The following BMAL1 variants were observed in gnomAD, a reference collection of about 807,000 sequenced individuals.
BMAL1 encodes the protein basic helix-loop-helix ARNT like 1, also known as basic helix-loop-helix ARNT-like protein 1.
the BMAL1 span, among the ~76,000 whole-genome samples, chr11:13,284,178 GTGTATATATATATA>G: frequency 2.7e-4 from 8 of 29,864 alleles, 1 homozygote; most frequent in Admixed American, 3.5e-4. Flanking sequence ...ATATATATAT[GTGTATATATATATA>G]TGTGTGTATA....
the BMAL1 span, among the ~76,000 whole-genome samples, chr11:13,362,475 C>T: frequency 6.6e-6 from 1 of 152,192 alleles, no homozygotes; most frequent in South Asian, 2.1e-4. Flanking sequence ...CAATACATGC[C>T]TCTGTGCCTT....
the BMAL1 span, among the ~76,000 whole-genome samples, chr11:13,350,744 TAAAA>T: frequency 6.6e-6 from 1 of 152,148 alleles, no homozygotes; most frequent in African/African-American, 2.4e-5. Flanking sequence ...AGCATTAAAT[TAAAA>T]AAATCATTAA....
the BMAL1 span, among the ~76,000 whole-genome samples, chr11:13,327,559 G>A: frequency 1.3e-5 from 2 of 152,194 alleles, no homozygotes; most frequent in Non-Finnish European, 2.9e-5. Flanking sequence ...CTAAGGCACA[G>A]CAGTTTTCCA....
the BMAL1 span, among the ~76,000 whole-genome samples, chr11:13,353,959 T>A: frequency 6.6e-6 from 1 of 152,332 alleles, no homozygotes; most frequent in African/African-American, 2.4e-5. Context: ...GGTTTTCACT[T>A]CTAGAGTTTC....
the BMAL1 span, among the ~76,000 whole-genome samples, chr11:13,328,345 G>GT: frequency 6.6e-6 from 1 of 151,880 alleles, no homozygotes; most frequent in Non-Finnish European, 1.5e-5. Context: ...AAAAATGCTT[G>GT]TTTTTTTTCC....
the BMAL1 span, among the ~76,000 whole-genome samples, chr11:13,316,006 A>T: frequency 4.1e-4 from 62 of 152,214 alleles, no homozygotes; most frequent in Non-Finnish European, 7.3e-4. Context: ...TGCCTTGTTA[A>T]GGTCTGTTCC....
the BMAL1 span, among the ~76,000 whole-genome samples, chr11:13,324,963 G>A: frequency 1.3e-5 from 2 of 152,198 alleles, no homozygotes; most frequent in Non-Finnish European, 2.9e-5. Flanking sequence ...TTACTTTAGC[G>A]GCTGTGAAAA....
the BMAL1 span, among the ~76,000 whole-genome samples, chr11:13,333,601 G>T: frequency 6.6e-6 from 1 of 152,136 alleles, no homozygotes; most frequent in African/African-American, 2.4e-5. Context: ...GGGCATAAGG[G>T]GTCACTTCCT....
the BMAL1 span, among the ~76,000 whole-genome samples, chr11:13,372,604 G>GT: frequency 6.6e-6 from 1 of 152,106 alleles, no homozygotes; most frequent in Non-Finnish European, 1.5e-5. Context: ...GAGCCCAGGA[G>GT]TTTGAGACTA....
the BMAL1 span, among the ~76,000 whole-genome samples, chr11:13,384,600 T>C: frequency 7.2e-5 from 11 of 152,194 alleles, no homozygotes; most frequent in African/African-American, 2.2e-4. Flanking sequence ...CAACTACTTA[T>C]CTGTGGGAGG....
chr11:13,353,192 T>C, the BMAL1 span: 1 of 152,320 alleles, frequency 6.6e-6, no homozygotes, highest in African/African-American at 2.4e-5. Context: ...TTACAGTGTT[T>C]ACAAAAGTCA....
chr11:13,321,598 C>G, the BMAL1 span, among the ~76,000 whole-genome samples: 3 of 152,204 alleles, frequency 2.0e-5, no homozygotes, highest in Non-Finnish European at 4.4e-5. Context: ...TGCCACGTGC[C>G]GGTCAGTTTG....
At chr11:13,333,515 C>G in the BMAL1 span, among the ~76,000 whole-genome samples, 1 of 152,188 alleles carries the variant, frequency 6.6e-6, no homozygotes, top group Non-Finnish European at 1.5e-5. Context: ...CTCCTTCCTT[C>G]GGGCTGATCA....
At chr11:13,282,576 T>A in the BMAL1 span, among the ~76,000 whole-genome samples, 1 of 152,164 alleles carries the variant, frequency 6.6e-6, no homozygotes, top group Non-Finnish European at 1.5e-5. Flanking sequence ...CATCCCTCAA[T>A]TTTCACGTGT....
At chr11:13,372,446 A>G in the BMAL1 span, 3 of 1,605,696 alleles carry the variant, frequency 1.9e-6, no homozygotes, top group African/African-American at 1.3e-5. Context: ...CAATGATGGT[A>G]GAGGATTTTC....
chr11:13,282,324 G>T, the BMAL1 span, among the ~76,000 whole-genome samples: 1 of 152,340 alleles, frequency 6.6e-6, no homozygotes, highest in Non-Finnish European at 1.5e-5. Context: ...GAGAGTTGAG[G>T]TGTGGATTAA....
the BMAL1 span, chr11:13,366,915 C>T: frequency 1.9e-6 from 1 of 535,320 alleles, no homozygotes; most frequent in Non-Finnish European, 3.2e-6. Flanking sequence ...TTCTGGGGCA[C>T]CAGAGCTATC....
At chr11:13,363,064 A>C in the BMAL1 span, among the ~76,000 whole-genome samples, 1 of 143,732 alleles carries the variant, frequency 7.0e-6, no homozygotes, top group Non-Finnish European at 1.5e-5. Flanking sequence ...ATCCAAATCA[A>C]TGACATTTTG....
At chr11:13,356,622 TGTTCGA>T in the BMAL1 span, 2 of 1,170,740 alleles carry the variant, frequency 1.7e-6, no homozygotes, top group Non-Finnish European at 2.4e-6. Flanking sequence ...ATACTGTGGC[TGTTCGA>T]ACTTTATGAT....
Sources: allele counts gnomAD v4.1 joint callset (sites outside exome capture counted in the v4.1 genomes callset), GRCh38; gene constraint gnomAD v4.1.1; transcripts MANE v1.5; gene names NCBI Gene and HGNC (gene_info 2026-07-23, HGNC 2026-07-21).